TAS2R1: variants seen among roughly 807,000 people sequenced by gnomAD.
TAS2R1 encodes the protein taste 2 receptor member 1.
For synonymous variants in TAS2R1, 141 were observed against 134.2 expected, an observed-to-expected ratio of 1.05 and a Z score of -0.35; for missense variants, 370 against 353.4, an observed-to-expected ratio of 1.05 and a Z score of -0.38.
the TAS2R1 span, among the ~76,000 whole-genome samples, chr5:9,800,204 G>C: frequency 2.0e-5 from 3 of 152,178 alleles, no homozygotes; most frequent in Admixed American, 6.5e-5. Flanking sequence ...AAAATCCTAC[G>C]ATGTTCCAAA....
chr5:9,681,531 CAAAAA>C, intron 1 of TAS2R1, among the ~76,000 whole-genome samples: 1 of 87,892 alleles, frequency 1.1e-5, no homozygotes, highest in African/African-American at 4.3e-5. Context: ...CATGTTTCTG[CAAAAA>C]AAAAAAAAAA....
chr5:9,847,223 T>G, the TAS2R1 span, among the ~76,000 whole-genome samples: 2 of 152,248 alleles, frequency 1.3e-5, no homozygotes, highest in Admixed American at 6.5e-5. Flanking sequence ...CATATCATAT[T>G]CAGGTTTTGA....
chr5:9,887,276 T>C, the TAS2R1 span, among the ~76,000 whole-genome samples: 1 of 152,228 alleles, frequency 6.6e-6, no homozygotes, highest in Non-Finnish European at 1.5e-5. Flanking sequence ...ATGAAAGTAT[T>C]TCATATTATA....
intron 1 of TAS2R1, among the ~76,000 whole-genome samples, chr5:9,710,190 G>T (rs1020626212): frequency 2.6e-5 from 4 of 151,898 alleles, no homozygotes; most frequent in Non-Finnish European, 5.9e-5. Context: ...CTGGGCCAAA[G>T]GATTGCCTGT....
At chr5:9,877,638 A>G in the TAS2R1 span, among the ~76,000 whole-genome samples, 1 of 152,240 alleles carries the variant, frequency 6.6e-6, no homozygotes, top group African/African-American at 2.4e-5. Context: ...ATGCCATATC[A>G]GAGTATTAAG....
intron 2 of TAS2R1, among the ~76,000 whole-genome samples, chr5:9,638,193 G>C (rs979233142): frequency 6.6e-6 from 1 of 152,158 alleles, no homozygotes; most frequent in Non-Finnish European, 1.5e-5. Flanking sequence ...GATTGTTGTT[G>C]CTCTTCTGGG....
At chr5:9,644,192 T>A (rs1740143316) in intron 2 of TAS2R1, among the ~76,000 whole-genome samples, 1 of 152,162 alleles carries the variant, frequency 6.6e-6, no homozygotes, top group Non-Finnish European at 1.5e-5. Flanking sequence ...ACATTTACTC[T>A]GACTGCTGTT....
chr5:9,869,863 C>T, the TAS2R1 span, among the ~76,000 whole-genome samples: 1 of 152,214 alleles, frequency 6.6e-6, no homozygotes, highest in Non-Finnish European at 1.5e-5. Flanking sequence ...AGTGAATCAT[C>T]AAACCTGAGC....
intron 1 of TAS2R1, among the ~76,000 whole-genome samples, chr5:9,679,471 G>A (rs775649163): frequency 7.2e-5 from 11 of 152,234 alleles, no homozygotes; most frequent in Non-Finnish European, 7.4e-5. Context: ...AAAAGTTTCC[G>A]ACTTAAGTGA....
intron 2 of TAS2R1, among the ~76,000 whole-genome samples, chr5:9,657,038 T>G (rs888539754): frequency 4.6e-5 from 7 of 152,116 alleles, no homozygotes; most frequent in African/African-American, 1.7e-4. Flanking sequence ...ATGTTAAATT[T>G]AAAAGTCTAT....
chr5:9,803,734 T>G, the TAS2R1 span, among the ~76,000 whole-genome samples: 6 of 152,190 alleles, frequency 3.9e-5, no homozygotes, highest in African/African-American at 1.2e-4. Flanking sequence ...CAAGAATTGC[T>G]ACAAGGAGCT....
At chr5:9,758,328 A>G in the TAS2R1 span, among the ~76,000 whole-genome samples, 1 of 152,220 alleles carries the variant, frequency 6.6e-6, no homozygotes, top group African/African-American at 2.4e-5. Flanking sequence ...TTACGTATAC[A>G]CAAACACACA....
the TAS2R1 span, among the ~76,000 whole-genome samples, chr5:9,765,237 AT>A: frequency 6.6e-6 from 1 of 152,210 alleles, no homozygotes; most frequent in Non-Finnish European, 1.5e-5. Flanking sequence ...AATTAAAAAA[AT>A]CAAGTACTCA....
At chr5:9,817,259 G>T in the TAS2R1 span, among the ~76,000 whole-genome samples, 1 of 152,200 alleles carries the variant, frequency 6.6e-6, no homozygotes, top group Non-Finnish European at 1.5e-5. Context: ...CAGCCGTTGT[G>T]TCATAGAGAT....
intron 1 of TAS2R1, among the ~76,000 whole-genome samples, chr5:9,693,998 T>A (rs776385284): frequency 1.3e-5 from 2 of 152,198 alleles, no homozygotes; most frequent in Admixed American, 6.5e-5. Flanking sequence ...AAAAGTAAAT[T>A]GAGAAGAACG....
At chr5:9,823,389 C>T in the TAS2R1 span, among the ~76,000 whole-genome samples, 1 of 151,004 alleles carries the variant, frequency 6.6e-6, no homozygotes, top group South Asian at 2.1e-4. Context: ...TTATATATAA[C>T]TATGCTCTTG....
At chr5:9,841,475 G>A in the TAS2R1 span, among the ~76,000 whole-genome samples, 1 of 152,052 alleles carries the variant, frequency 6.6e-6, no homozygotes, top group African/African-American at 2.4e-5. Flanking sequence ...CTATTCTGAT[G>A]TACTGAATTT....
At chr5:9,688,427 A>C (rs997185946) in intron 1 of TAS2R1, among the ~76,000 whole-genome samples, 1 of 152,160 alleles carries the variant, frequency 6.6e-6, no homozygotes, top group Non-Finnish European at 1.5e-5. Flanking sequence ...AAAGGTTTTC[A>C]GGTAAGGCTG....
At chr5:9,771,133 T>C in the TAS2R1 span, among the ~76,000 whole-genome samples, 1 of 152,224 alleles carries the variant, frequency 6.6e-6, no homozygotes, top group Non-Finnish European at 1.5e-5. Context: ...AACTGTTTTT[T>C]CAGCATCAGT....
Sources: allele counts gnomAD v4.1 joint callset (sites outside exome capture counted in the v4.1 genomes callset), GRCh38; gene constraint gnomAD v4.1.1; transcripts MANE v1.5; gene names NCBI Gene and HGNC (gene_info 2026-07-23, HGNC 2026-07-21).